Variants in OSGIN2 observed in about 807,000 individuals in gnomAD.
The protein encoded by OSGIN2 is oxidative stress-induced growth inhibitor 2.
In OSGIN2, 19 loss-of-function variants were observed where a neutral mutation model predicts 53.8. The observed-to-expected ratio is 0.35, with a 90% CI of 0.25 to 0.52. The LOEUF is 0.52. OSGIN2 is among the 20% of genes least tolerant of loss of function. OSGIN2 has a pLI of 0.95. For missense variants in OSGIN2, 520 were observed against 662.7 expected (o/e 0.78, Z 2.36); for synonymous variants, 236 against 236.0 (o/e 1.00, Z 0.00).
intron 4 of OSGIN2, among the ~76,000 whole-genome samples, chr8:89,917,741 A>C (rs963128241): frequency 1.8e-4 from 27 of 152,028 alleles, no homozygotes; most frequent in African/African-American, 6.5e-4. Context: ...ACAATTTCAC[A>C]CTCAAACCGA....
chr8:89,911,954 T>G (rs1039145988), intron 2 of OSGIN2, among the ~76,000 whole-genome samples: 1 of 152,024 alleles, frequency 6.6e-6, no homozygotes, highest in Non-Finnish European at 1.5e-5. Context: ...AAAAAAGATA[T>G]AAAATTAGTT....
Position 89,914,128 on chromosome 8 carries a change from C to A in OSGIN2, c.251C>A (p.Pro84Gln). ...TCTTATATGTTATCAGGCTACAGAC[C>A]GTATTTATCATCAGAAGCAATACAC... ...CLSYMLSGYRPYLSSEAIHPN... is the reference protein window; with the variant it reads ...CLSYMLSGYRQYLSSEAIHPN... The change falls in exon 3 of 6, where the codon CCG becomes CAG. Residue 84 changes from proline to glutamine, a missense_variant. Physicochemically the swap from Pro to Gln is moderately conservative, Grantham distance 76. Transcript: ENST00000451899. The A allele has an allele frequency of 6.2e-7, 1 of 1,604,852 alleles. No homozygotes were observed. Among genetic ancestry groups the A allele is most frequent in the Non-Finnish European group, 8.5e-7 (1 of 1,172,146 alleles).
chr8:89,911,135 T>C (rs903156682), intron 2 of OSGIN2, among the ~76,000 whole-genome samples: 2 of 152,192 alleles, frequency 1.3e-5, no homozygotes, highest in Admixed American at 6.5e-5. Flanking sequence ...AGCTTCAAAA[T>C]CAGCAATGTT....
intron 4 of OSGIN2, among the ~76,000 whole-genome samples, chr8:89,917,599 CACT>C (rs1360164637): frequency 6.6e-6 from 1 of 152,184 alleles, no homozygotes; most frequent in Non-Finnish European, 1.5e-5. Flanking sequence ...GGGGCCAAAA[CACT>C]ACTATAACCT....
At chr8:89,912,475 GT>G (rs1286456758) in intron 2 of OSGIN2, among the ~76,000 whole-genome samples, 2 of 152,158 alleles carry the variant, frequency 1.3e-5, no homozygotes, top group Admixed American at 1.3e-4. Flanking sequence ...CTCCTGATTG[GT>G]TGGGCGTGAT....
intron 1 of OSGIN2, 69 bp downstream of exon 1, chr8:89,902,906 C>T: frequency 3.5e-6 from 4 of 1,154,942 alleles, no homozygotes; most frequent in South Asian, 2.2e-5. Flanking sequence ...TTTGGCCTGG[C>T]CCGGGCCGGG....
At chr8:89,915,329 G>A (rs1050357800) in intron 4 of OSGIN2, among the ~76,000 whole-genome samples, 3 of 152,160 alleles carry the variant, frequency 2.0e-5, no homozygotes, top group African/African-American at 4.8e-5. Flanking sequence ...AGCAGAGAGA[G>A]AGAAATATTC....
rs1809039751 is a variant in OSGIN2, at chr8:89,914,643, A to G, written c.425A>G (p.Asp142Gly). The change falls in exon 4 of 6, where the codon GAC (aspartate) becomes GGC (glycine). Residue 142 changes from aspartate (D) to glycine (G), a missense_variant. This residue lies in a region of OSGIN2 where 203 missense variants were observed against 275.3 expected (regional missense o/e 0.74). Coordinates refer to ENST00000451899, the MANE Select transcript of OSGIN2 (RefSeq NM_001126111.3). Reference protein sequence around the residue: ...LFDTLLHPDADFGYDYPSVLH... With the variant: ...LFDTLLHPDAGFGYDYPSVLH... ...GATACACTTCTTCATCCAGATGCTG[A>G]CTTTGGGTATGATTATCCATCCGTT... The G allele has an allele frequency of 6.2e-7, 1 of 1,613,850 alleles. No individual in the cohort carries two copies. Among genetic ancestry groups the G allele is most frequent in the African/African-American group, 1.3e-5 (1 of 74,924 alleles).
Position 89,914,543 on chromosome 8 carries a change from T to C in OSGIN2, c.337-12T>C. On this transcript the variant is annotated splice_polypyrimidine_tract_variant and intron_variant, in intron 3 of 5. Transcript: ENST00000451899. ...GCTTTTTTCAAACTCTGTCTCCCTT[T>C]TGTTCATTCAGGACTTAGAATACTT... 1 of 1,606,972 alleles carries C rather than the reference T, an allele frequency of 6.2e-7. No individual in the cohort carries two copies. The highest frequency in any genetic ancestry group is 1.1e-5 in the South Asian group (1 of 90,674).
At position 89,926,783 on chromosome 8, in the gene OSGIN2, G is replaced by A. The variant is rs1454173404; in HGVS notation, c.*1251G>A. ...TTTTTTTGGTACAATTACTTCATCT[G>A]GAATGTCTTCATTGAACTCGTTATT... is the stretch of plus-strand genomic sequence containing the variant. On this transcript the variant is annotated 3_prime_UTR_variant, in exon 6 of 6. Transcript: ENST00000451899. 6.6e-6 allele frequency: 1 copy of A among 151,984 alleles called. No homozygotes were observed. The highest frequency in any genetic ancestry group is 2.4e-5 in the African/African-American group (1 of 41,384). 9.4% of individuals were successfully genotyped at this position (151,984 alleles called of 1,614,324 possible).
intron 2 of OSGIN2, among the ~76,000 whole-genome samples, chr8:89,913,418 A>C (rs1270906131): frequency 6.6e-6 from 1 of 151,956 alleles, no homozygotes; most frequent in Non-Finnish European, 1.5e-5. Context: ...AATGGAGAAC[A>C]CTGGATAGTC....
chr8:89,917,497 C>G (rs973241857), intron 4 of OSGIN2, among the ~76,000 whole-genome samples: 4 of 152,186 alleles, frequency 2.6e-5, no homozygotes, highest in East Asian at 1.9e-4. Context: ...GGCAATTCAT[C>G]TAACTATCCA....
At chr8:89,921,644 G>C (rs1325223192) in intron 5 of OSGIN2, among the ~76,000 whole-genome samples, 1 of 151,984 alleles carries the variant, frequency 6.6e-6, no homozygotes, top group African/African-American at 2.4e-5. Flanking sequence ...GCTTATGGTT[G>C]GCTAATTGGG....
At chr8:89,923,508 C>G (rs1283115353) in intron 5 of OSGIN2, among the ~76,000 whole-genome samples, 3 of 152,190 alleles carry the variant, frequency 2.0e-5, no homozygotes, top group African/African-American at 7.2e-5. Context: ...ACAAACTATA[C>G]TTTGGGTACC....
At chr8:89,911,990 G>A (rs1452700241) in intron 2 of OSGIN2, among the ~76,000 whole-genome samples, 2 of 151,388 alleles carry the variant, frequency 1.3e-5, no homozygotes, top group East Asian at 3.8e-4. Context: ...TTTTCTTTCA[G>A]TCTTTAAGGC....
At chr8:89,908,775 G>T (rs1321446629) in intron 1 of OSGIN2, among the ~76,000 whole-genome samples, 1 of 151,834 alleles carries the variant, frequency 6.6e-6, no homozygotes, top group Non-Finnish European at 1.5e-5. Context: ...AGAAAAATTG[G>T]AAAATAACAT....
chr8:89,912,809 T>G (rs545187766), intron 2 of OSGIN2, among the ~76,000 whole-genome samples: 173 of 146,360 alleles, frequency 1.2e-3, no homozygotes, highest in African/African-American at 3.9e-3. Flanking sequence ...GAGGTTAGGG[T>G]TTTTCAAGGA....
chr8:89,920,652 TTAA>T (rs1809178672), intron 4 of OSGIN2, among the ~76,000 whole-genome samples: 1 of 152,204 alleles, frequency 6.6e-6, no homozygotes, highest in Non-Finnish European at 1.5e-5. Context: ...TAAAAGAAAG[TTAA>T]TAATATTAAA....
intron 1 of OSGIN2, among the ~76,000 whole-genome samples, chr8:89,906,800 A>G (rs1383928996): frequency 6.6e-6 from 1 of 152,190 alleles, no homozygotes; most frequent in African/African-American, 2.4e-5. Flanking sequence ...ATACCCAGTA[A>G]TGGGATTGCT....
Sources: gnomAD v4.1 joint callset for allele counts (sites outside exome capture counted in the v4.1 genomes callset) on GRCh38, gnomAD v4.1.1 for gene constraint, gnomAD v4.1.1 regional missense constraint, MANE v1.5 for transcripts, NCBI Gene and HGNC (gene_info 2026-07-23, HGNC 2026-07-21) for gene names.